SNX6: variants seen among roughly 807,000 people sequenced by gnomAD.
SNX6 encodes the protein sorting nexin-6.
A neutral mutation model predicts 63.0 loss-of-function variants in SNX6; 34 were observed. That is an observed-to-expected ratio of 0.54 (90% CI 0.41 to 0.72). The LOEUF is 0.72. SNX6 is among the 30% of genes least tolerant of loss of function. The probability of loss-of-function intolerance (pLI) is 0.00; values close to 1 mark genes in which losing one functional copy is unlikely to be tolerated. For synonymous variants in SNX6, 170 were observed against 164.2 expected, an observed-to-expected ratio of 1.04 and a Z score of -0.27; for missense variants, 398 against 471.4, an observed-to-expected ratio of 0.84 and a Z score of 1.44.
chr14:34,601,996 T>C (rs1882834047), intron 6 of SNX6, among the ~76,000 whole-genome samples: 1 of 151,784 alleles, frequency 6.6e-6, no homozygotes, highest in Non-Finnish European at 1.5e-5. Context: ...TAAACTACCT[T>C]GAAAAATACA....
chr14:34,622,020 G>A (rs1056295010), intron 2 of SNX6, among the ~76,000 whole-genome samples: 2 of 139,262 alleles, frequency 1.4e-5, no homozygotes, highest in African/African-American at 2.7e-5. Flanking sequence ...GTGCAGTGGC[G>A]TGATCTTGGC....
At chr14:34,580,388 G>C (rs1036257164) in intron 10 of SNX6, among the ~76,000 whole-genome samples, 1 of 151,812 alleles carries the variant, frequency 6.6e-6, no homozygotes, top group Non-Finnish European at 1.5e-5. Flanking sequence ...CTATAACCTT[G>C]ACCTCCTGGG....
chr14:34,563,816 G>A (rs1390908201), intron 13 of SNX6, among the ~76,000 whole-genome samples: 1 of 151,548 alleles, frequency 6.6e-6, no homozygotes, highest in East Asian at 1.9e-4. Flanking sequence ...TCAGGTCACT[G>A]TAACCTCCGC....
intron 2 of SNX6, among the ~76,000 whole-genome samples, chr14:34,611,294 C>T (rs1424076746): frequency 7.2e-5 from 11 of 151,952 alleles, no homozygotes; most frequent in Non-Finnish European, 1.3e-4. Flanking sequence ...CTGGCCAACA[C>T]GGCAAAACCC....
intron 10 of SNX6, among the ~76,000 whole-genome samples, chr14:34,578,937 CAAAAAAAAAAAAAA>C (rs71121210): frequency 3.5e-4 from 8 of 22,538 alleles, no homozygotes; most frequent in Admixed American, 2.2e-3. Flanking sequence ...GACTTCATCT[CAAAAAAAAAAAAAA>C]AAAAAAAAAA....
intron 8 of SNX6, 79 bp from the exon 9 acceptor site, chr14:34,586,384 A>G (rs1379221881): frequency 1.2e-6 from 1 of 811,428 alleles, no homozygotes. Flanking sequence ...CTCTCAAACA[A>G]TGTGTAATAT....
In SNX6 at chr14:34,609,354, G is replaced by A. The variant is rs539487160; in HGVS notation, c.159+284C>T. ...AAATTAGCCGGACATGGTGGTGGAC[G>A]CCTGTAGTCCCAGCTACTCTGGAGG... On this transcript the variant is annotated intron_variant, in intron 3 of 13. Coordinates refer to ENST00000362031, the MANE Select transcript of SNX6 (RefSeq NM_152233.4). Among the ~76,000 whole-genome samples the A allele has an allele frequency of 5.9e-5, 9 of 151,640 alleles. No homozygotes were observed. In the East Asian group the frequency reaches 1.4e-3, roughly 23 times the overall value.
At chr14:34,624,808 A>T (rs1034189757) in intron 2 of SNX6, among the ~76,000 whole-genome samples, 4 of 152,002 alleles carry the variant, frequency 2.6e-5, no homozygotes, top group African/African-American at 9.7e-5. Context: ...AAAAAAAAAA[A>T]ATTTTTTTTG....
chr14:34,610,746 A>C (rs1341808695), intron 2 of SNX6, among the ~76,000 whole-genome samples: 3 of 152,148 alleles, frequency 2.0e-5, no homozygotes, highest in Non-Finnish European at 4.4e-5. Flanking sequence ...TAAACAATAA[A>C]TAACTTGTTT....
At chr14:34,573,908 T>C (rs1249493339) in intron 11 of SNX6, among the ~76,000 whole-genome samples, 1 of 151,956 alleles carries the variant, frequency 6.6e-6, no homozygotes, top group East Asian at 2.0e-4. Flanking sequence ...CTCAAAGTGC[T>C]GGGATTACAG....
chr14:34,624,887 T>C (rs1464502422), intron 2 of SNX6, among the ~76,000 whole-genome samples: 2 of 152,194 alleles, frequency 1.3e-5, no homozygotes, highest in African/African-American at 4.8e-5. Context: ...GCAACTTGTA[T>C]CAATATGTAC....
chr14:34,594,640 G>A (rs1343024318), intron 7 of SNX6, among the ~76,000 whole-genome samples: 2 of 152,104 alleles, frequency 1.3e-5, no homozygotes, highest in African/African-American at 2.4e-5. Context: ...AGGATTACAG[G>A]AGTGAGCCAC....
chr14:34,588,377 G>C (rs1395969081), intron 8 of SNX6, among the ~76,000 whole-genome samples: 4 of 151,990 alleles, frequency 2.6e-5, no homozygotes, highest in Admixed American at 2.6e-4. Flanking sequence ...CCTTGCCTCA[G>C]CATCCCAAAA....
At chr14:34,625,498 C>T (rs1385224163) in intron 2 of SNX6, among the ~76,000 whole-genome samples, 4 of 151,952 alleles carry the variant, frequency 2.6e-5, no homozygotes, top group African/African-American at 4.8e-5. Flanking sequence ...TTTGGGAGGC[C>T]GAGGCGGGCA....
intron 10 of SNX6, among the ~76,000 whole-genome samples, chr14:34,579,549 A>G (rs1881852788): frequency 1.3e-5 from 2 of 152,074 alleles, no homozygotes; most frequent in Non-Finnish European, 1.5e-5. Context: ...TGAGGCTACA[A>G]TGAGTTATGA....
chr14:34,595,945 C>T (rs940736684), intron 7 of SNX6, among the ~76,000 whole-genome samples: 5 of 152,054 alleles, frequency 3.3e-5, no homozygotes, highest in African/African-American at 9.7e-5. Flanking sequence ...TTCGGCCGGG[C>T]GCGGTGGCTC....
chr14:34,589,371 G>A (rs1182796879), intron 8 of SNX6, among the ~76,000 whole-genome samples: 1 of 152,068 alleles, frequency 6.6e-6, no homozygotes, highest in Non-Finnish European at 1.5e-5. Context: ...AGAACTGCTT[G>A]AACCCAGCAG....
intron 9 of SNX6, among the ~76,000 whole-genome samples, chr14:34,582,548 T>TTTG (rs755901631): frequency 4.7e-4 from 71 of 151,624 alleles, no homozygotes; most frequent in South Asian, 1.3e-3. Context: ...TAAACGTGTT[T>TTTG]TTGTTGTTGT....
chr14:34,581,456 T>C, intron 10 of SNX6, 105 bp downstream of exon 10: 2 of 626,980 alleles, frequency 3.2e-6, no homozygotes, highest in Non-Finnish European at 5.6e-6. Flanking sequence ...TGGCCAATAG[T>C]GATCACTCTT....
Sources: allele counts gnomAD v4.1 joint callset (sites outside exome capture counted in the v4.1 genomes callset), GRCh38; gene constraint gnomAD v4.1.1; transcripts MANE v1.5; gene names NCBI Gene and HGNC (gene_info 2026-07-23, HGNC 2026-07-21).